Variants in PDE4B observed in about 807,000 individuals in gnomAD.
PDE4B encodes the protein phosphodiesterase 4B.
Under a neutral mutation model 82.2 loss-of-function variants are expected in PDE4B, and 20 were observed. The ratio of observed to expected loss-of-function variants is 0.24; its 90% CI spans 0.17 to 0.35. The LOEUF is 0.35. Ranked by LOEUF, PDE4B falls within the 10% of genes least tolerant of loss-of-function variation. PDE4B has a pLI of 1.00. For missense variants in PDE4B, 655 were observed against 907.2 expected (o/e 0.72, Z 3.57); for synonymous variants, 320 against 318.9 (o/e 1.00, Z -0.04).
At chr1:66,129,106 T>C (rs561459498) in intron 3 of PDE4B, among the ~76,000 whole-genome samples, 3 of 152,360 alleles carry the variant, frequency 2.0e-5, no homozygotes, top group East Asian at 3.9e-4. Flanking sequence ...CTTTTTGTAG[T>C]AGTTGGCCTT....
intron 3 of PDE4B, among the ~76,000 whole-genome samples, chr1:66,101,476 C>T (rs1645223088): frequency 6.6e-6 from 1 of 152,206 alleles, no homozygotes; most frequent in Non-Finnish European, 1.5e-5. Context: ...TATCTCTCCA[C>T]ATCCTCTCCA....
At chr1:66,049,614 T>C (rs934396595) in intron 3 of PDE4B, among the ~76,000 whole-genome samples, 10 of 152,060 alleles carry the variant, frequency 6.6e-5, no homozygotes, top group Non-Finnish European at 1.2e-4. Context: ...AAAATTAGTA[T>C]GCTGACATGA....
intron 3 of PDE4B, among the ~76,000 whole-genome samples, chr1:65,968,749 T>G (rs1477573472): frequency 3.3e-5 from 5 of 152,180 alleles, no homozygotes; most frequent in Non-Finnish European, 2.9e-5. Flanking sequence ...ATTTTAAAAA[T>G]GCAGTTAGTA....
chr1:66,292,844 T>C (rs898429622), intron 7 of PDE4B, among the ~76,000 whole-genome samples: 14 of 152,202 alleles, frequency 9.2e-5, no homozygotes, highest in Admixed American at 9.2e-4. Context: ...ATTTGAAAAG[T>C]AACATAAATA....
At chr1:66,037,801 G>T (rs928008321) in intron 3 of PDE4B, among the ~76,000 whole-genome samples, 9 of 151,694 alleles carry the variant, frequency 5.9e-5, no homozygotes, top group African/African-American at 2.2e-4. Context: ...TTTATGTTGT[G>T]GCAAAAATTG....
intron 3 of PDE4B, chr1:66,048,811 C>T (rs1654858504): frequency 6.6e-6 from 1 of 151,904 alleles, no homozygotes; most frequent in African/African-American, 2.4e-5. Context: ...AGATCACTTC[C>T]TTTTCACTGA....
intron 1 of PDE4B, among the ~76,000 whole-genome samples, chr1:65,819,541 G>T (rs1156969427): frequency 6.8e-6 from 1 of 146,658 alleles, no homozygotes; most frequent in Non-Finnish European, 1.5e-5. Context: ...TCGCTCTGTC[G>T]CCCAGGCTGG....
chr1:65,897,520 C>T (rs1646924513), intron 1 of PDE4B, among the ~76,000 whole-genome samples: 2 of 151,960 alleles, frequency 1.3e-5, no homozygotes, highest in South Asian at 4.1e-4. Context: ...TTTTCTCTCT[C>T]TAGTATTCCC....
At chr1:65,948,392 G>A (rs770593058) in intron 3 of PDE4B, among the ~76,000 whole-genome samples, 4 of 151,910 alleles carry the variant, frequency 2.6e-5, no homozygotes, top group African/African-American at 9.7e-5. Context: ...GCAAGCTTGA[G>A]GAGCAAGGAT....
At chr1:66,133,644 T>C (rs1645996756) in intron 3 of PDE4B, among the ~76,000 whole-genome samples, 1 of 152,212 alleles carries the variant, frequency 6.6e-6, no homozygotes, top group Non-Finnish European at 1.5e-5. Context: ...TCTTTAGGTT[T>C]ACTATAACAG....
At chr1:66,076,569 A>G (rs1431235015) in intron 3 of PDE4B, among the ~76,000 whole-genome samples, 1 of 151,738 alleles carries the variant, frequency 6.6e-6, no homozygotes, top group East Asian at 1.9e-4. Context: ...TGGTAGTTCA[A>G]CTTTTAGTTA....
intron 3 of PDE4B, among the ~76,000 whole-genome samples, chr1:65,983,229 C>T (rs982035153): frequency 5.3e-5 from 8 of 152,218 alleles, no homozygotes; most frequent in South Asian, 2.1e-4. Context: ...AGAACTTTGC[C>T]GCAGGATGAA....
At chr1:66,214,281 A>G (rs1250745708) in intron 3 of PDE4B, among the ~76,000 whole-genome samples, 1 of 152,210 alleles carries the variant, frequency 6.6e-6, no homozygotes, top group Admixed American at 6.5e-5. Context: ...TTTAAGCAAA[A>G]GGAAAGATCA....
At chr1:66,099,396 A>G (rs1570230491) in intron 3 of PDE4B, among the ~76,000 whole-genome samples, 1 of 151,990 alleles carries the variant, frequency 6.6e-6, no homozygotes, top group African/African-American at 2.4e-5. Flanking sequence ...GATTCCATGT[A>G]TTTGCTATTG....
chr1:66,254,341 G>A lies in PDE4B; in HGVS notation c.477-3306G>A, dbSNP rs76594695. Among the ~76,000 whole-genome samples the A allele has an allele frequency of 5.0e-3, 759 of 152,290 alleles. 39 individuals are homozygous for A. The East Asian group carries it at 0.1, about 21-fold the overall frequency. ...CATCTTGGGAAAAAAGGTTGGAAAG[G>A]GTCAGTTTCTGATACAGTTCACCAC... On this transcript the variant is annotated intron_variant, in intron 4 of 16. Coordinates refer to ENST00000341517, the MANE Select transcript of PDE4B (RefSeq NM_002600.4).
At chr1:66,265,950 T>A (rs1359894328) in intron 6 of PDE4B, 88 bp from the exon 7 acceptor site, 1 of 931,740 alleles carries the variant, frequency 1.1e-6, no homozygotes, top group African/African-American at 1.6e-5. Context: ...CCTGGAAAAG[T>A]CCTCAGTAAC....
intron 7 of PDE4B, among the ~76,000 whole-genome samples, chr1:66,280,092 C>G (rs1401002700): frequency 6.6e-6 from 1 of 152,194 alleles, no homozygotes; most frequent in Admixed American, 6.5e-5. Context: ...CTTCTACAAA[C>G]AAGATGTATA....
intron 3 of PDE4B, among the ~76,000 whole-genome samples, chr1:66,146,173 C>CTTTTT (rs36027532): frequency 5.3e-4 from 26 of 49,242 alleles, no homozygotes; most frequent in Admixed American, 9.2e-4. Context: ...GGGTAGCATG[C>CTTTTT]TTTTTTTTTT....
In PDE4B at chr1:65,918,790, T is replaced by G. The variant is rs1327410517; in HGVS notation, c.236T>G (p.Leu79Trp). ...DGISRPTTLP[L>W]TTLPSIAITT... Reference sequence around the variant, plus strand: ...ATTTCCAGGCCGACCACACTGCCTTTGACAACGCTTCCAAGCATTGCTATT... The same window carrying G: ...ATTTCCAGGCCGACCACACTGCCTTGGACAACGCTTCCAAGCATTGCTATT... The change falls in exon 3 of 17, where the codon TTG (leucine) becomes TGG (tryptophan). Residue 79 changes from leucine (L) to tryptophan (W), a missense_variant. This residue lies in a region of PDE4B where 253 missense variants were observed against 275.6 expected (regional missense o/e 0.92). Transcript: ENST00000341517. The G allele has an allele frequency of 6.2e-7, 1 of 1,613,798 alleles. No homozygotes were observed. The highest frequency in any genetic ancestry group is 1.3e-5 in the African/African-American group (1 of 74,940).
Sources: gnomAD v4.1 joint callset for allele counts (sites outside exome capture counted in the v4.1 genomes callset) on GRCh38, gnomAD v4.1.1 for gene constraint, gnomAD v4.1.1 regional missense constraint, MANE v1.5 for transcripts, NCBI Gene and HGNC (gene_info 2026-07-23, HGNC 2026-07-21) for gene names.